Variants in GRIK2 observed in about 807,000 individuals in gnomAD.
GRIK2 encodes glutamate receptor ionotropic, kainate 2.
Under a neutral mutation model 100.3 loss-of-function variants are expected in GRIK2, and 32 were observed. That is an observed-to-expected ratio of 0.32 (90% confidence interval 0.24 to 0.43). The LOEUF is 0.43. Among genes scored for constraint, GRIK2 ranks in the 20% least tolerant of loss-of-function variants. The probability of loss-of-function intolerance (pLI) is 1.00; values close to 1 mark genes in which losing one functional copy is unlikely to be tolerated. For synonymous variants in GRIK2, 417 were observed against 389.4 expected (o/e 1.07, Z -0.83); for missense variants, 843 against 1,114.9 (o/e 0.76, Z 3.47).
Position 101,467,935 on chromosome 6 carries a change from T to A in GRIK2, c.115+68543T>A, listed in dbSNP as rs577593910. 4.5e-3 allele frequency among the ~76,000 whole-genome samples: 685 copies of A among 151,908 alleles called. 6 individuals carry two copies. The highest frequency in any genetic ancestry group is 0.012 in the South Asian group (57 of 4,796). On this transcript the variant is annotated intron_variant, in intron 2 of 16. Transcript: ENST00000369134. ...TTTTTTGCATGCCCACGATATATTT[T>A]TTTTTTTAATCTGGCAAGGATGTAG...
intron 14 of GRIK2, among the ~76,000 whole-genome samples, chr6:102,025,244 T>C (rs1040227037): frequency 6.6e-6 from 1 of 151,220 alleles, no homozygotes; most frequent in Non-Finnish European, 1.5e-5. Context: ...ATATCTATGA[T>C]ATACTAGACA....
intron 16 of GRIK2, 39 bp downstream of exon 16, chr6:102,055,619 T>G: frequency 6.7e-7 from 1 of 1,498,878 alleles, no homozygotes; most frequent in Non-Finnish European, 9.2e-7. Context: ...TAAAACAATT[T>G]TTGTTGTTAC....
chr6:101,943,747 C>A (rs940102375), intron 14 of GRIK2, among the ~76,000 whole-genome samples: 1 of 152,186 alleles, frequency 6.6e-6, no homozygotes, highest in Non-Finnish European at 1.5e-5. Flanking sequence ...ATGCCTAGAT[C>A]TTCACTGTAT....
intron 3 of GRIK2, among the ~76,000 whole-genome samples, chr6:101,622,602 T>A (rs1355747422): frequency 6.6e-6 from 1 of 152,064 alleles, no homozygotes; most frequent in Non-Finnish European, 1.5e-5. Flanking sequence ...AACCATTAGT[T>A]TATGTATATT....
At chr6:101,978,594 CAGAA>C (rs1350257550) in intron 14 of GRIK2, among the ~76,000 whole-genome samples, 6 of 151,826 alleles carry the variant, frequency 4.0e-5, no homozygotes, top group Non-Finnish European at 8.8e-5. Flanking sequence ...CAGTTTCTGA[CAGAA>C]AGAAGTTAGA....
intron 2 of GRIK2, among the ~76,000 whole-genome samples, chr6:101,598,608 AAAAG>A (rs1298177786): frequency 1.6e-4 from 23 of 142,740 alleles, no homozygotes; most frequent in Admixed American, 3.6e-4. Flanking sequence ...AAAAAAAAAA[AAAAG>A]AAAGAAAAAA....
intron 14 of GRIK2, among the ~76,000 whole-genome samples, chr6:101,939,031 T>C (rs763380121): frequency 2.3e-4 from 35 of 152,032 alleles, no homozygotes; most frequent in Non-Finnish European, 4.3e-4. Context: ...ATTATATTAG[T>C]TTGCTTTGTA....
chr6:102,035,561 C>G lies in GRIK2; in HGVS notation c.2306C>G (p.Pro769Arg). The change falls in exon 15 of 17, where the codon CCC (proline) becomes CGC (arginine). Residue 769 changes from proline to arginine, a missense_variant. Coordinates refer to ENST00000369134, the MANE Select transcript of GRIK2 (RefSeq NM_021956.5). ...TCTAAAGGTTATGGCGTTGGCACTC[C>G]CATGGGTAGGTTATATGTCAGCTCT... ...IDSKGYGVGT[P>R]MGSPYRDKIT... The G allele has an allele frequency of 6.4e-7, 1 of 1,563,558 alleles. No homozygotes were observed. Among genetic ancestry groups the G allele is most frequent in the Non-Finnish European group, 8.8e-7 (1 of 1,135,680 alleles).
intron 2 of GRIK2, among the ~76,000 whole-genome samples, chr6:101,463,801 T>A (rs527262269): frequency 6.6e-6 from 1 of 151,988 alleles, no homozygotes; most frequent in East Asian, 1.9e-4. Flanking sequence ...CAAGATCAAT[T>A]TTGAGGAGCA....
intron 2 of GRIK2, among the ~76,000 whole-genome samples, chr6:101,548,024 A>G (rs2128291258): frequency 6.6e-6 from 1 of 152,060 alleles, no homozygotes; most frequent in South Asian, 2.1e-4. Flanking sequence ...AACTGGTGTG[A>G]GATGGTATCT....
intron 2 of GRIK2, among the ~76,000 whole-genome samples, chr6:101,602,072 T>C (rs935841237): frequency 2.0e-5 from 3 of 151,756 alleles, no homozygotes; most frequent in Admixed American, 6.6e-5. Context: ...CCATAAACTT[T>C]AGTCTTAACT....
chr6:101,711,306 T>C (rs1773678554), intron 7 of GRIK2, among the ~76,000 whole-genome samples: 1 of 151,748 alleles, frequency 6.6e-6, no homozygotes, highest in South Asian at 2.1e-4. Context: ...TTGCCAAATA[T>C]ATAGAAATGC....
chr6:101,793,258 C>T (rs756083366), intron 7 of GRIK2, among the ~76,000 whole-genome samples: 91 of 152,324 alleles, frequency 6.0e-4, no homozygotes, highest in Admixed American at 1.1e-3. Context: ...TGAGGAACTG[C>T]GTTCCTTTGG....
chr6:101,962,615 G>A (rs929424601), intron 14 of GRIK2, among the ~76,000 whole-genome samples: 10 of 152,036 alleles, frequency 6.6e-5, no homozygotes, highest in African/African-American at 2.4e-4. Context: ...ATCCATTATT[G>A]AAAGTGAGCT....
At chr6:101,803,768 T>A (rs1026896808) in intron 9 of GRIK2, among the ~76,000 whole-genome samples, 80 of 152,066 alleles carry the variant, frequency 5.3e-4, no homozygotes, top group African/African-American at 1.9e-3. Context: ...TTACCATAGA[T>A]CCATTCCTGT....
rs371980228 is a variant in GRIK2 at position 101,957,676 on chromosome 6, G to C, written c.2085+29044G>C. 4.0e-5 allele frequency among the ~76,000 whole-genome samples: 6 copies of C among 151,880 alleles called. No individual in the cohort carries two copies. The East Asian group carries it at 9.7e-4, about 24-fold the overall frequency. ...TTATAGTTTCAGATCTTACATTCAG[G>C]AATTTAATTCATCTTGAGTTAATTT... On this transcript the variant is annotated intron_variant, in intron 14 of 16. Transcript: ENST00000369134.
chr6:101,600,422 T>C (rs1442750194), intron 2 of GRIK2, among the ~76,000 whole-genome samples: 1 of 151,866 alleles, frequency 6.6e-6, no homozygotes, highest in Non-Finnish European at 1.5e-5. Context: ...ATAGTTTTCT[T>C]CTAGTTTTGT....
intron 11 of GRIK2, among the ~76,000 whole-genome samples, chr6:101,861,277 C>T (rs542770756): frequency 6.3e-4 from 96 of 152,244 alleles, no homozygotes; most frequent in African/African-American, 2.3e-3. Context: ...GTTCTGTCTT[C>T]TACTATAGTA....
At chr6:101,737,699 A>G (rs1775737971) in intron 7 of GRIK2, among the ~76,000 whole-genome samples, 1 of 152,212 alleles carries the variant, frequency 6.6e-6, no homozygotes. Flanking sequence ...TAATGAAACC[A>G]TGACTACATT....
Sources: allele counts gnomAD v4.1 joint callset (sites outside exome capture counted in the v4.1 genomes callset), GRCh38; gene constraint gnomAD v4.1.1; transcripts MANE v1.5; gene names NCBI Gene and HGNC (gene_info 2026-07-23, HGNC 2026-07-21).